Variants in CTTN observed in about 807,000 individuals in gnomAD.
CTTN encodes the protein cortactin.
CTTN carries 28 observed loss-of-function variants against 84.0 expected under a neutral mutation model. The observed-to-expected ratio is 0.33, with a 90% CI of 0.25 to 0.46. The LOEUF (loss-of-function observed/expected upper bound fraction) is 0.46. CTTN is among the 20% of genes least tolerant of loss of function. CTTN has a pLI of 1.00. For missense variants in CTTN, 641 were observed against 723.8 expected (o/e 0.89, Z 1.31); for synonymous variants, 301 against 288.8 (o/e 1.04, Z -0.43).
Position 70,435,478 on chromosome 11 carries a change from C to G in CTTN, c.*316C>G. 4 of 1,549,094 alleles carry G rather than the reference C, an allele frequency of 2.6e-6. No individual in the cohort carries two copies. Among genetic ancestry groups the G allele is most frequent in the Non-Finnish European group, 1.7e-6 (2 of 1,154,542 alleles). ...TGTCACGCGGCAGCTTCAGGGAGCT[C>G]GCATTCTCTTGTGTTCGTGTTGCCC... On this transcript the variant is annotated 3_prime_UTR_variant, in exon 18 of 18. Transcript: ENST00000301843.
chr11:70,425,780 C>T (rs1042667706), intron 13 of CTTN, among the ~76,000 whole-genome samples: 18 of 152,290 alleles, frequency 1.2e-4, no homozygotes, highest in Middle Eastern at 3.4e-3. Flanking sequence ...GACATCATGA[C>T]GTCGATGTGC....
rs893353521 is a variant in CTTN at position 70,407,356 on chromosome 11, A to G, written c.59A>G (p.Asp20Gly). 4 of 1,577,224 alleles carry G rather than the reference A, an allele frequency of 2.5e-6. No individual in the cohort carries two copies. The highest frequency in any genetic ancestry group is 3.4e-6 in the Non-Finnish European group (4 of 1,161,426). Residue 20 changes from aspartate (D) to glycine (G), a missense_variant, in exon 3 of 18, where the codon GAT becomes GGT. By Grantham distance (94) the Asp-to-Gly change is moderately conservative (BLOSUM62 -1). This residue lies in a region of CTTN where 284 missense variants were observed against 348.4 expected (regional missense o/e 0.82). Coordinates refer to ENST00000301843, the MANE Select transcript of CTTN (RefSeq NM_005231.4). ...VSIAQDDAGA[D>G]DWETDPDFVN... ...ATCGCCCAGGATGACGCGGGGGCCG[A>G]TGACTGGGAGACCGACCCTGATTTT...
rs867252808 is a variant in CTTN at position 70,407,230 on chromosome 11, G to A, written c.1-68G>A. ...AGAATCTCGGTAGTTTTGGCCAAAGGGCTCATCTGCTGGCCTCTGTGGATG... is the reference window on the plus strand; with the variant it reads ...AGAATCTCGGTAGTTTTGGCCAAAGAGCTCATCTGCTGGCCTCTGTGGATG... On this transcript the variant is annotated intron_variant, in intron 2 of 17. Transcript: ENST00000301843. 37 of 1,347,512 alleles carry A rather than the reference G, an allele frequency of 2.7e-5. No homozygotes were observed. In the South Asian group the frequency reaches 4.7e-4, roughly 17 times the overall value. 83.5% of individuals were successfully genotyped at this position (1,347,512 alleles called of 1,614,324 possible). A position where few individuals can be genotyped will look rare whatever the true frequency, so the allele number is the denominator to read the frequency against.
rs137877755 is a variant in CTTN, at chr11:70,423,612, G to A, written c.957+617G>A. On this transcript the variant is annotated intron_variant, in intron 12 of 17. Coordinates refer to ENST00000301843, the MANE Select transcript of CTTN (RefSeq NM_005231.4). ...CCTGGGCTCATTTCTGAGGGCAGGCGCGAGTTCACCAGGAGAGAAGGCTCA... is the reference window on the plus strand; with the variant it reads ...CCTGGGCTCATTTCTGAGGGCAGGCACGAGTTCACCAGGAGAGAAGGCTCA... Among the ~76,000 whole-genome samples the A allele has an allele frequency of 1.6e-3, 245 of 152,284 alleles. 1 individual carries two copies. The highest frequency in any genetic ancestry group is 4.3e-3 in the African/African-American group (179 of 41,562).
intron 1 of CTTN, among the ~76,000 whole-genome samples, chr11:70,399,947 C>T (rs532236040): frequency 3.0e-4 from 45 of 152,352 alleles, no homozygotes; most frequent in South Asian, 1.0e-3. Flanking sequence ...CCGCCTGCCC[C>T]TGTCTCCATT....
At chr11:70,421,170 G>A (rs954039632) in intron 10 of CTTN, among the ~76,000 whole-genome samples, 2 of 152,220 alleles carry the variant, frequency 1.3e-5, no homozygotes, top group African/African-American at 4.8e-5. Flanking sequence ...TGCAGTGTGC[G>A]TAGGACGCTA....
At position 70,435,836 on chromosome 11, in the gene CTTN, G is replaced by C; in HGVS notation, c.*674G>C. 6.5e-7 allele frequency: 1 copy of C among 1,533,580 alleles called. No individual in the cohort carries two copies. Among genetic ancestry groups the C allele is most frequent in the East Asian group, 2.4e-5 (1 of 41,784 alleles). 95.0% of individuals were successfully genotyped at this position (1,533,580 alleles called of 1,614,324 possible). ...TCCCCTGATGCCCAGGTCACCGGGA[G>C]GGCTGCTGGGAGCCTCTCCTGTCCC... On this transcript the variant is annotated 3_prime_UTR_variant, in exon 18 of 18. Transcript: ENST00000301843.
In CTTN at chr11:70,433,644, T is replaced by C. The variant is rs763498588; in HGVS notation, c.1445-3T>C. On this transcript the variant is annotated splice_polypyrimidine_tract_variant and splice_region_variant and intron_variant, in intron 16 of 17. Coordinates refer to ENST00000301843, the MANE Select transcript of CTTN (RefSeq NM_005231.4). ...GTTCAGCTCTGTCATGGCTTTCTTT[T>C]AGAGGACAGCACCTACGATGAGTAC... The C allele has an allele frequency of 1.9e-6, 3 of 1,608,404 alleles. No homozygotes were observed. The highest frequency in any genetic ancestry group is 1.7e-4 in the Middle Eastern group (1 of 6,056).
In CTTN at chr11:70,436,306, C is replaced by G. The variant is rs563990812; in HGVS notation, c.*1144C>G. 2.0e-5 allele frequency: 32 copies of G among 1,598,234 alleles called. No individual in the cohort carries two copies. The African/African-American group carries it at 3.2e-4, about 16-fold the overall frequency. On this transcript the variant is annotated 3_prime_UTR_variant, in exon 18 of 18. Coordinates refer to ENST00000301843, the MANE Select transcript of CTTN (RefSeq NM_005231.4). Reference sequence around the variant, plus strand: ...GGAAACTCATCTCCTTCCTGAGGAGCCGGGAGGCTGGACCAGTCCCGTCGT... The same window carrying G: ...GGAAACTCATCTCCTTCCTGAGGAGGCGGGAGGCTGGACCAGTCCCGTCGT...
chr11:70,414,721 T>A, intron 6 of CTTN, 69 bp downstream of exon 6: 1 of 1,172,874 alleles, frequency 8.5e-7, no homozygotes, highest in Non-Finnish European at 1.3e-6. Flanking sequence ...ATCTGAGCCC[T>A]GTTGGGCCAC....
At position 70,433,499 on chromosome 11, in the gene CTTN, G is replaced by T. The variant is rs2058378852; in HGVS notation, c.1445-148G>T. 3.8e-6 allele frequency: 3 copies of T among 789,324 alleles called. No individual in the cohort carries two copies. In the South Asian group the frequency reaches 4.7e-5, roughly 12 times the overall value. 48.9% of individuals were successfully genotyped at this position (789,324 alleles called of 1,614,324 possible). ...GGAAGATCCCCATTGTGCTGGGGAC[G>T]GGTGGGCAGGGGCAGAGGAAGGGAG... On this transcript the variant is annotated intron_variant, in intron 16 of 17. Coordinates refer to ENST00000301843, the MANE Select transcript of CTTN (RefSeq NM_005231.4).
chr11:70,413,667 G>T (rs547703183), intron 5 of CTTN, among the ~76,000 whole-genome samples: 1 of 152,168 alleles, frequency 6.6e-6, no homozygotes, highest in Non-Finnish European at 1.5e-5. Context: ...GCGCTGATGG[G>T]GGCTGACGAC....
chr11:70,422,113 T>C (rs1344253787), intron 11 of CTTN: 1 of 227,660 alleles, frequency 4.4e-6, no homozygotes, highest in African/African-American at 2.2e-5. Flanking sequence ...TTGTTCTGTT[T>C]GATGACACCA....
chr11:70,422,787 T>C, intron 11 of CTTN, 153 bp from the exon 12 acceptor site: 1 of 1,487,636 alleles, frequency 6.7e-7, no homozygotes, highest in Non-Finnish European at 9.0e-7. Context: ...AAGCAAAACT[T>C]GCCTTGCAAG....
At chr11:70,410,617 G>A (rs1028215203) in intron 5 of CTTN, among the ~76,000 whole-genome samples, 1 of 152,180 alleles carries the variant, frequency 6.6e-6, no homozygotes, top group Non-Finnish European at 1.5e-5. Context: ...TTAAGAAAGG[G>A]AGCCACGTTA....
chr11:70,430,170 C>T (rs1199099586), intron 14 of CTTN, among the ~76,000 whole-genome samples: 3 of 152,202 alleles, frequency 2.0e-5, no homozygotes, highest in Non-Finnish European at 2.9e-5. Flanking sequence ...TAGAGCAAGG[C>T]CGCCTGCAGA....
At position 70,407,696 on chromosome 11, in the gene CTTN, G is replaced by C; in HGVS notation, c.161+105G>C. The C allele has an allele frequency of 4.1e-6, 4 of 982,180 alleles. 1 individual carries two copies. In the South Asian group the frequency reaches 5.7e-5, roughly 14 times the overall value. The allele number at this position is 982,180 out of a possible 1,614,324, so 60.8% of individuals were successfully genotyped here. A position where few individuals can be genotyped will look rare whatever the true frequency, so the allele number is the denominator to read the frequency against. On this transcript the variant is annotated intron_variant, in intron 4 of 17. Coordinates refer to ENST00000301843, the MANE Select transcript of CTTN (RefSeq NM_005231.4). ...TGGAGGGACAGCCCGTGTGGAAACT[G>C]CATTTATCTTCTTGACCTGATACCC...
At chr11:70,407,616 C>G (rs755166324) in intron 4 of CTTN, 25 bp downstream of exon 4, 2 of 1,609,608 alleles carry the variant, frequency 1.2e-6, no homozygotes, top group Non-Finnish European at 1.7e-6. Context: ...CACCACCCTC[C>G]CGAGGGCCCC....
At chr11:70,398,996 G>C (rs1370704878) in intron 1 of CTTN, among the ~76,000 whole-genome samples, 1 of 150,822 alleles carries the variant, frequency 6.6e-6, no homozygotes, top group Non-Finnish European at 1.5e-5. Flanking sequence ...GGCTGGGAGG[G>C]GTCTTGGGTC....
Sources: allele counts gnomAD v4.1 joint callset (sites outside exome capture counted in the v4.1 genomes callset), GRCh38; gene constraint gnomAD v4.1.1; regional missense constraint gnomAD v4.1.1; transcripts MANE v1.5; gene names NCBI Gene and HGNC (gene_info 2026-07-23, HGNC 2026-07-21).